Variants in RRBP1 observed in about 807,000 individuals in gnomAD.
The protein encoded by RRBP1 is ribosome binding protein 1.
RRBP1 carries 94 observed loss-of-function variants against 165.2 expected under a neutral mutation model. That is an observed-to-expected ratio of 0.57 (90% CI 0.48 to 0.68). The LOEUF is 0.68. Among genes scored for constraint, RRBP1 ranks in the 30% least tolerant of loss-of-function variants. The pLI, the probability that RRBP1 is intolerant of heterozygous loss-of-function variation, is 0.00. For missense variants in RRBP1, 1,676 were observed against 1,763.0 expected (o/e 0.95, Z 0.88); for synonymous variants, 680 against 714.5 (o/e 0.95, Z 0.77).
chr20:17,614,609 C>G (rs904366044), intron 24 of RRBP1, 128 bp downstream of exon 24: 18 of 1,235,002 alleles, frequency 1.5e-5, no homozygotes, highest in Non-Finnish European at 2.0e-5. Context: ...TCTGCCTCCC[C>G]TGGGGCTCCC....
At chr20:17,624,339 C>CGTCCTAGTGCCTCTGTGTCT (rs1317376034) in intron 13 of RRBP1, among the ~76,000 whole-genome samples, 7 of 152,170 alleles carry the variant, frequency 4.6e-5, no homozygotes, top group African/African-American at 1.4e-4. Context: ...TGCGTCTGTA[C>CGTCCTAGTGCCTCTGTGTCT]GTCCTAGTGC....
chr20:17,643,002 T>C lies in RRBP1; in HGVS notation c.2038A>G (p.Ile680Val). 1 of 1,614,038 alleles carries C rather than the reference T, an allele frequency of 6.2e-7. No individual in the cohort carries two copies. Among genetic ancestry groups the C allele is most frequent in the Non-Finnish European group, 8.5e-7 (1 of 1,180,000 alleles). The change falls in exon 4 of 25, where the codon ATC (isoleucine) becomes GTC (valine). Residue 680 changes from isoleucine to valine, a missense_variant. Coordinates refer to ENST00000377813, the MANE Select transcript of RRBP1 (RefSeq NM_001365613.2). This position sits in a 1 kb window ranked among gnomAD's most constrained non-coding sequence, Gnocchi z 4.3. ...ACCTTGTGCCAGGTGTCCTGAATGA[T>C]GCCAGCCTTCTCAGACAGGATCTCG... ...LIEILSEKAG[I>V]IQDTWHKATQ...
intron 20 of RRBP1, among the ~76,000 whole-genome samples, chr20:17,618,049 C>A (rs1184941337): frequency 6.8e-6 from 1 of 147,486 alleles, no homozygotes; most frequent in Non-Finnish European, 1.5e-5. Flanking sequence ...CAGTGGTCTG[C>A]CAAGGGGGCT....
At position 17,660,450 on chromosome 20, in the gene RRBP1, CA is replaced by C. The variant is rs1281358055; in HGVS notation, c.57del (p.Val20PhefsTer14). 1 of 1,614,200 alleles carries C rather than the reference CA, an allele frequency of 6.2e-7. No individual in the cohort carries two copies. On this transcript the variant is annotated frameshift_variant, in exon 3 of 25. Coordinates refer to ENST00000377813, the MANE Select transcript of RRBP1 (RefSeq NM_001365613.2). LOFTEE classifies it high-confidence loss of function. ...ACCAGGAAGATGCCAATGGCAGAAA[CA>C]ACCATGAATCCTCCAAAGACCACAA... is the stretch of plus-strand genomic sequence containing the variant. Reference protein sequence around the residue: ...LGVVVFGGFMVVSAIGIFLVS... With the variant: ...LGVVVFGGFMXVSAIGIFLVS...
chr20:17,668,005 T>C (rs2036902594), intron 2 of RRBP1, among the ~76,000 whole-genome samples: 1 of 152,262 alleles, frequency 6.6e-6, no homozygotes, highest in African/African-American at 2.4e-5. Flanking sequence ...TGTCAGTCTA[T>C]TTGTTATTCC....
rs1256756346 is a variant in RRBP1, at chr20:17,614,232, G to A, written c.4195-12C>T. 1.2e-6 allele frequency: 2 copies of A among 1,612,802 alleles called. No homozygotes were observed. Among genetic ancestry groups the A allele is most frequent in the Admixed American group, 3.3e-5 (2 of 60,026 alleles). On this transcript the variant is annotated splice_polypyrimidine_tract_variant and intron_variant, in intron 24 of 24. Coordinates refer to ENST00000377813, the MANE Select transcript of RRBP1 (RefSeq NM_001365613.2). Reference sequence around the variant, plus strand: ...CTGCTGCCGTCCTCCTGTGAACGAAGGCAGGTGGCGTGAGGGGGGCTGGGC... The same window carrying A: ...CTGCTGCCGTCCTCCTGTGAACGAAAGCAGGTGGCGTGAGGGGGGCTGGGC...
intron 3 of RRBP1, among the ~76,000 whole-genome samples, chr20:17,655,119 T>C (rs748670441): frequency 2.0e-5 from 3 of 152,224 alleles, no homozygotes; most frequent in Non-Finnish European, 2.9e-5. Flanking sequence ...CCAAAGGGCG[T>C]TCCCAGCTCC....
At chr20:17,629,423 C>A (rs1386251882) in intron 9 of RRBP1, among the ~76,000 whole-genome samples, 1 of 152,222 alleles carries the variant, frequency 6.6e-6, no homozygotes, top group African/African-American at 2.4e-5. Context: ...GCCCAGAACA[C>A]ACATTTAGCT....
intron 2 of RRBP1, among the ~76,000 whole-genome samples, chr20:17,664,923 G>A (rs960562613): frequency 1.3e-5 from 2 of 152,178 alleles, no homozygotes; most frequent in East Asian, 3.9e-4. Flanking sequence ...TAGCAGACAT[G>A]GCTACATCAG....
At chr20:17,651,946 T>C (rs956420170) in intron 3 of RRBP1, among the ~76,000 whole-genome samples, 84 of 152,330 alleles carry the variant, frequency 5.5e-4, no homozygotes, top group African/African-American at 1.9e-3. Context: ...CTACCACTCC[T>C]GCCAGGTCTC....
intron 16 of RRBP1, 45 bp downstream of exon 16, chr20:17,621,413 T>C (rs754468779): frequency 2.7e-6 from 4 of 1,500,124 alleles, no homozygotes. Flanking sequence ...TCTCCTTCCC[T>C]GCAGCCTCCC....
intron 3 of RRBP1, among the ~76,000 whole-genome samples, chr20:17,653,159 G>C (rs1385578762): frequency 6.6e-6 from 1 of 152,166 alleles, no homozygotes; most frequent in East Asian, 1.9e-4. Flanking sequence ...AATTCTGCCA[G>C]ATGCAGCTAC....
rs1269829312 is a variant in RRBP1, at chr20:17,670,554, GTATT to G, written c.-22+9441_-22+9444del. 2.6e-5 allele frequency among the ~76,000 whole-genome samples: 4 copies of G among 151,736 alleles called. No homozygotes were observed. In the East Asian group the frequency reaches 5.8e-4, roughly 22 times the overall value. On this transcript the variant is annotated intron_variant, in intron 2 of 24. Coordinates refer to ENST00000377813, the MANE Select transcript of RRBP1 (RefSeq NM_001365613.2). ...CCAACTTAGATGTTACTGTTTTCAT[GTATT>G]TAATCTTATCCTTGTTCCAGCCTCT...
chr20:17,618,027 C>G (rs937470478), intron 20 of RRBP1, among the ~76,000 whole-genome samples: 1 of 151,866 alleles, frequency 6.6e-6, no homozygotes, highest in Non-Finnish European at 1.5e-5. Context: ...GCCACCTGCA[C>G]AGGCAGAGCT....
chr20:17,625,755 G>A (rs925686077), intron 11 of RRBP1, among the ~76,000 whole-genome samples, 153 bp from the exon 12 acceptor site: 1 of 151,982 alleles, frequency 6.6e-6, no homozygotes, highest in Non-Finnish European at 1.5e-5. Flanking sequence ...CACCCAGCGT[G>A]AGCTCCCAGG....
At chr20:17,629,561 C>A (rs1327632802) in intron 9 of RRBP1, among the ~76,000 whole-genome samples, 1 of 151,796 alleles carries the variant, frequency 6.6e-6, no homozygotes, top group Admixed American at 6.6e-5. Context: ...TTGCCCCCCA[C>A]TTCTAGCCCC....
intron 3 of RRBP1, among the ~76,000 whole-genome samples, chr20:17,646,600 C>T (rs546625357): frequency 9.2e-5 from 14 of 152,318 alleles, no homozygotes; most frequent in Non-Finnish European, 1.3e-4. Flanking sequence ...CCATGCCTGG[C>T]GCAGGGTAAC....
intron 3 of RRBP1, among the ~76,000 whole-genome samples, chr20:17,646,969 G>A (rs1028047819): frequency 1.2e-4 from 19 of 152,188 alleles, no homozygotes; most frequent in East Asian, 5.8e-4. Context: ...CTCAGTCCAC[G>A]GGGAGGGTAT....
Position 17,619,156 on chromosome 20 carries a change from C to T in RRBP1, c.3675+477G>A, listed in dbSNP as rs544251922. 10 of 177,186 alleles carry T rather than the reference C, an allele frequency of 5.6e-5. No individual in the cohort carries two copies. In the East Asian group the frequency reaches 1.0e-3, roughly 18 times the overall value. 11.0% of individuals were successfully genotyped at this position (177,186 alleles called of 1,614,324 possible). Reference sequence around the variant, plus strand: ...CAGGCCGGTCTCAAATTTCTGGCCTCGAGCAATCCACCTCAGCCTTTCAAA... The same window carrying T: ...CAGGCCGGTCTCAAATTTCTGGCCTTGAGCAATCCACCTCAGCCTTTCAAA... On this transcript the variant is annotated intron_variant, in intron 19 of 24. Transcript: ENST00000377813.
Sources: allele counts gnomAD v4.1 joint callset (sites outside exome capture counted in the v4.1 genomes callset), GRCh38; gene constraint gnomAD v4.1.1; non-coding constraint Gnocchi (gnomAD v3.1); transcripts MANE v1.5; gene names NCBI Gene and HGNC (gene_info 2026-07-23, HGNC 2026-07-21).